Variants in ARHGAP32 observed in about 807,000 individuals in gnomAD.
ARHGAP32 encodes rho GTPase-activating protein 32.
A neutral mutation model predicts 186.5 loss-of-function variants in ARHGAP32; 51 were observed. That is an observed-to-expected ratio of 0.27 (90% CI 0.22 to 0.35). The LOEUF (loss-of-function observed/expected upper bound fraction) is 0.35, where lower values mean the gene tolerates loss of function less well. Among genes scored for constraint, ARHGAP32 ranks in the 10% least tolerant of loss-of-function variants. ARHGAP32 has a pLI of 1.00. For synonymous variants in ARHGAP32, 950 were observed against 964.3 expected (o/e 0.99, Z 0.27); for missense variants, 2,186 against 2,623.5 (o/e 0.83, Z 3.64).
At chr11:129,257,422 G>A (rs915181192) in intron 1 of ARHGAP32, among the ~76,000 whole-genome samples, 2 of 151,980 alleles carry the variant, frequency 1.3e-5, no homozygotes, top group Admixed American at 1.3e-4. Flanking sequence ...TCTTCAGTTA[G>A]TAGCTATAGA....
rs745929665 is a variant in ARHGAP32, at chr11:129,066,767, T to A, written c.633A>T (p.Glu211Asp). 28 of 1,612,312 alleles carry A rather than the reference T, an allele frequency of 1.7e-5. No homozygotes were observed. Among genetic ancestry groups the A allele is most frequent in the Non-Finnish European group, 2.5e-6 (3 of 1,178,946 alleles). Residue 211 changes from glutamate to aspartate, a missense_variant, in exon 7 of 23, where the codon GAA (glutamate) becomes GAT (aspartate). By Grantham distance (45) the Glu-to-Asp change is conservative (BLOSUM62 2). Around this residue, in one of 5 missense-constraint regions of ARHGAP32, gnomAD observed 308 missense variants for 596.5 expected, o/e 0.52. Transcript: ENST00000682385. ...CCTTCAGGGTGTCAGAACGGGGAAG[T>A]TCTGAGAGCTGGGAAAATCTTCGGT... ...IYDRRFSQLS[E>D]LPRSDTLKDS...
chr11:129,142,280 C>A (rs1018981831), intron 2 of ARHGAP32, among the ~76,000 whole-genome samples: 1 of 152,036 alleles, frequency 6.6e-6, no homozygotes, highest in African/African-American at 2.4e-5. Flanking sequence ...GGCAAAGGAG[C>A]CTGAGAAATG....
intron 2 of ARHGAP32, among the ~76,000 whole-genome samples, chr11:129,156,239 A>G (rs994826763): frequency 1.3e-5 from 2 of 152,192 alleles, no homozygotes; most frequent in South Asian, 2.1e-4. Context: ...CCAACAAGAC[A>G]GAACCATTTA....
chr11:129,199,455 C>A (rs913895647), intron 1 of ARHGAP32, among the ~76,000 whole-genome samples: 1 of 152,262 alleles, frequency 6.6e-6, no homozygotes, highest in African/African-American at 2.4e-5. Context: ...CCCTGTGCCC[C>A]AGCTGCTCCA....
At chr11:129,210,657 G>A (rs1944567675) in intron 1 of ARHGAP32, among the ~76,000 whole-genome samples, 1 of 152,084 alleles carries the variant, frequency 6.6e-6, no homozygotes, top group African/African-American at 2.4e-5. Context: ...TAAGCGATCT[G>A]CACAAGGACG....
At chr11:129,027,639 T>C (rs1938917953) in intron 11 of ARHGAP32, among the ~76,000 whole-genome samples, 1 of 152,104 alleles carries the variant, frequency 6.6e-6, no homozygotes, top group Non-Finnish European at 1.5e-5. Flanking sequence ...AGGTCTTTGT[T>C]CAAAAGTAGG....
chr11:129,143,636 G>A (rs1943110082), intron 2 of ARHGAP32, among the ~76,000 whole-genome samples: 1 of 115,812 alleles, frequency 8.6e-6, no homozygotes. Flanking sequence ...AGCACAAGAG[G>A]AGTGATGCTG....
intron 5 of ARHGAP32, among the ~76,000 whole-genome samples, chr11:129,113,492 ATGG>A (rs1160748610): frequency 2.0e-5 from 3 of 152,024 alleles, no homozygotes; most frequent in Non-Finnish European, 4.4e-5. Flanking sequence ...TGTGTATTTT[ATGG>A]TAGTAAGCTA....
chr11:129,065,529 T>C (rs573578535), intron 7 of ARHGAP32, among the ~76,000 whole-genome samples: 1 of 151,966 alleles, frequency 6.6e-6, no homozygotes, highest in African/African-American at 2.4e-5. Flanking sequence ...TAGGATAATC[T>C]GAGAGAAAAA....
chr11:129,026,603 G>C (rs1047622859), intron 11 of ARHGAP32, among the ~76,000 whole-genome samples: 2 of 151,970 alleles, frequency 1.3e-5, no homozygotes, highest in East Asian at 3.9e-4. Flanking sequence ...AGACCAGCCT[G>C]GCCAATATGG....
chr11:129,169,296 A>G (rs1458791123), intron 1 of ARHGAP32, among the ~76,000 whole-genome samples: 1 of 152,128 alleles, frequency 6.6e-6, no homozygotes, highest in African/African-American at 2.4e-5. Context: ...TATAGATAAT[A>G]AAAAGGGAGC....
chr11:129,251,984 G>A (rs2135692313), intron 1 of ARHGAP32, among the ~76,000 whole-genome samples: 1 of 150,920 alleles, frequency 6.6e-6, no homozygotes, highest in African/African-American at 2.4e-5. Context: ...ATGATTATGT[G>A]CTTCAGCCTT....
chr11:129,033,243 T>A (rs1470210511), intron 11 of ARHGAP32, among the ~76,000 whole-genome samples: 1 of 152,250 alleles, frequency 6.6e-6, no homozygotes, highest in Non-Finnish European at 1.5e-5. Context: ...AACATTTCTA[T>A]GCATGTGTCT....
At chr11:129,127,401 CA>C (rs747264666) in intron 2 of ARHGAP32, among the ~76,000 whole-genome samples, 3 of 152,188 alleles carry the variant, frequency 2.0e-5, no homozygotes, top group Non-Finnish European at 4.4e-5. Flanking sequence ...ACCAATAGTT[CA>C]ACTAGTCTGT....
At chr11:129,095,484 C>T (rs966359224) in intron 5 of ARHGAP32, among the ~76,000 whole-genome samples, 12 of 152,096 alleles carry the variant, frequency 7.9e-5, no homozygotes, top group East Asian at 1.9e-4. Context: ...GGTGAGTAAA[C>T]CAAGGCTGCA....
intron 2 of ARHGAP32, among the ~76,000 whole-genome samples, chr11:129,153,032 A>C (rs1397630794): frequency 1.3e-5 from 2 of 152,202 alleles, no homozygotes; most frequent in African/African-American, 4.8e-5. Context: ...AAATAGATTC[A>C]GTAAAGTTTC....
Position 128,986,011 on chromosome 11 carries a change from T to C in ARHGAP32, c.1518A>G (p.Pro506=). ...IHDVIQQLPP[P]HYRTLEFLMR... Reference sequence around the variant, plus strand: ...TACCCACTGTGGCTGACCTGTAGTGTGGTGGGGGGAGCTGCTGGATGACAT... The same window carrying C: ...TACCCACTGTGGCTGACCTGTAGTGCGGTGGGGGGAGCTGCTGGATGACAT... Residue 506 remains proline (P), a synonymous_variant, in exon 15 of 23, where the codon CCA becomes CCG. Coordinates refer to ENST00000682385, the MANE Select transcript of ARHGAP32 (RefSeq NM_001378024.1). 1 of 1,608,136 alleles carries C rather than the reference T, an allele frequency of 6.2e-7. No homozygotes were observed. The highest frequency in any genetic ancestry group is 8.5e-7 in the Non-Finnish European group (1 of 1,178,138).
intron 6 of ARHGAP32, among the ~76,000 whole-genome samples, chr11:129,083,052 T>C (rs767857535): frequency 6.6e-6 from 1 of 152,058 alleles, no homozygotes; most frequent in Non-Finnish European, 1.5e-5. Flanking sequence ...GTGTGATACC[T>C]CCTTACTTCT....
At chr11:129,134,226 C>T (rs1459062542) in intron 2 of ARHGAP32, among the ~76,000 whole-genome samples, 2 of 151,230 alleles carry the variant, frequency 1.3e-5, no homozygotes, top group South Asian at 2.1e-4. Context: ...AAAAAGAGAG[C>T]GAGAACATCC....
Sources: gnomAD v4.1 joint callset for allele counts (sites outside exome capture counted in the v4.1 genomes callset) on GRCh38, gnomAD v4.1.1 for gene constraint, gnomAD v4.1.1 regional missense constraint, MANE v1.5 for transcripts, NCBI Gene and HGNC (gene_info 2026-07-23, HGNC 2026-07-21) for gene names.